Variants in ARID1B observed in about 807,000 individuals in gnomAD.
ARID1B encodes AT-rich interactive domain-containing protein 1B.
ARID1B carries 30 observed loss-of-function variants against 212.3 expected under a neutral mutation model. The observed-to-expected ratio is 0.14, with a 90% CI of 0.11 to 0.19. ARID1B has a LOEUF of 0.19. ARID1B is among the 10% of genes least tolerant of loss of function. ARID1B has a pLI of 1.00. For synonymous variants in ARID1B, 1,402 were observed against 1,301.7 expected (o/e 1.08, Z -1.66); for missense variants, 2,891 against 3,204.0 (o/e 0.90, Z 2.36).
chr6:157,118,333 T>G (rs1328325364), intron 6 of ARID1B, among the ~76,000 whole-genome samples: 1 of 152,248 alleles, frequency 6.6e-6, no homozygotes, highest in Non-Finnish European at 1.5e-5. Context: ...GATGCTGAGA[T>G]GTATCATAAG....
chr6:157,170,261 G>C (rs1791628170), intron 9 of ARID1B: 1 of 152,092 alleles, frequency 6.6e-6, no homozygotes, highest in Admixed American at 6.5e-5. Flanking sequence ...CTGTTTACCA[G>C]ATGATTTGCT....
At chr6:157,189,948 C>T in intron 14 of ARID1B, 90 bp from the exon 15 acceptor site, 1 of 1,579,440 alleles carries the variant, frequency 6.3e-7, no homozygotes, top group Non-Finnish European at 8.6e-7. Flanking sequence ...TTTGCATTTG[C>T]ACATTTCAAG....
chr6:157,135,138 AAG>A (rs1281852026), intron 7 of ARID1B, among the ~76,000 whole-genome samples: 1 of 151,792 alleles, frequency 6.6e-6, no homozygotes, highest in Non-Finnish European at 1.5e-5. Context: ...ATTGAATGTG[AAG>A]ACTCTTAATT....
chr6:156,776,895 C>A (rs1778653409), upstream of ARID1B: 2 of 152,114 alleles, frequency 1.3e-5, no homozygotes, highest in South Asian at 4.1e-4. Flanking sequence ...GCCGATGGCC[C>A]GAAATCAAGG....
intron 4 of ARID1B, chr6:156,939,571 G>C (rs560181707): frequency 3.3e-5 from 5 of 151,998 alleles, no homozygotes; most frequent in African/African-American, 1.2e-4. Context: ...CTCATTTTCA[G>C]AATTTTCTTT....
chr6:156,993,850 A>T (rs1023117014), intron 4 of ARID1B, among the ~76,000 whole-genome samples: 1 of 152,356 alleles, frequency 6.6e-6, no homozygotes, highest in Non-Finnish European at 1.5e-5. Flanking sequence ...ATTTATAAAA[A>T]TCAAATGGAA....
intron 2 of ARID1B, among the ~76,000 whole-genome samples, chr6:156,889,854 G>A (rs1372444642): frequency 2.0e-5 from 3 of 152,124 alleles, no homozygotes; most frequent in Admixed American, 1.3e-4. Context: ...ATTGACTTGC[G>A]TTGGTTGACT....
intron 7 of ARID1B, among the ~76,000 whole-genome samples, chr6:157,146,834 T>C (rs1789763191): frequency 6.6e-6 from 1 of 152,196 alleles, no homozygotes; most frequent in Non-Finnish European, 1.5e-5. Flanking sequence ...CTAATCCATA[T>C]TCCACACACA....
At chr6:157,123,245 C>CACA (rs1479644535) in intron 6 of ARID1B, among the ~76,000 whole-genome samples, 2 of 120,344 alleles carry the variant, frequency 1.7e-5, no homozygotes, top group African/African-American at 6.4e-5. Flanking sequence ...CCCGCCCCCC[C>CACA]CCCACACACA....
chr6:156,966,381 CTTTTCTTTTT>C (rs1235740370), intron 4 of ARID1B, among the ~76,000 whole-genome samples: 2 of 89,440 alleles, frequency 2.2e-5, no homozygotes, highest in African/African-American at 7.6e-5. Context: ...CTTTTCTTTT[CTTTTCTTTTT>C]TTTTTTTTTT....
chr6:157,040,455 G>A (rs1781813098), intron 4 of ARID1B, among the ~76,000 whole-genome samples: 1 of 152,146 alleles, frequency 6.6e-6, no homozygotes, highest in African/African-American at 2.4e-5. Context: ...TTTTAGTGAT[G>A]ATCTTTAATG....
chr6:156,860,003 T>G (rs991853946), intron 2 of ARID1B, among the ~76,000 whole-genome samples: 1 of 152,216 alleles, frequency 6.6e-6, no homozygotes, highest in African/African-American at 2.4e-5. Context: ...TGAGGCAGAT[T>G]TGAGAATCTG....
In ARID1B at chr6:156,878,269, G is replaced by A. The variant is rs192863425; in HGVS notation, c.1987-23107G>A. The stretch of plus-strand genomic sequence containing the variant: ...TTCTTAGGTGTAAGCGATGAAGACC[G>A]AGTCTAGCCAATTCAAGCAGAAAAG... On this transcript the variant is annotated intron_variant, in intron 2 of 19. Transcript: ENST00000636930. Among the ~76,000 whole-genome samples, 11 of 152,134 alleles carry A rather than the reference G, an allele frequency of 7.2e-5. No individual in the cohort carries two copies. In the East Asian group the frequency reaches 1.9e-3, roughly 27 times the overall value.
chr6:156,850,497 G>C (rs944825525), intron 2 of ARID1B, among the ~76,000 whole-genome samples: 2 of 152,172 alleles, frequency 1.3e-5, no homozygotes, highest in African/African-American at 4.8e-5. Flanking sequence ...AGGATGAAAA[G>C]TAATAGAAAG....
chr6:156,837,034 T>C (rs2128071400), intron 2 of ARID1B, among the ~76,000 whole-genome samples: 1 of 152,366 alleles, frequency 6.6e-6, no homozygotes, highest in South Asian at 2.1e-4. Flanking sequence ...CTTGACAAAT[T>C]GTATTAAGAT....
intron 1 of ARID1B, among the ~76,000 whole-genome samples, chr6:156,805,550 T>C (rs1462216880): frequency 6.6e-6 from 1 of 152,106 alleles, no homozygotes; most frequent in Non-Finnish European, 1.5e-5. Flanking sequence ...CCTATAGGAG[T>C]ATGCTCTCTC....
chr6:157,030,065 G>T (rs1287485012), intron 4 of ARID1B, among the ~76,000 whole-genome samples: 1 of 152,162 alleles, frequency 6.6e-6, no homozygotes, highest in Non-Finnish European at 1.5e-5. Flanking sequence ...CATTTATGTA[G>T]CTCATGATTC....
intron 1 of ARID1B, among the ~76,000 whole-genome samples, chr6:156,813,405 G>T (rs1401360450): frequency 6.6e-6 from 1 of 151,724 alleles, no homozygotes; most frequent in East Asian, 1.9e-4. Flanking sequence ...GAGCCATTGC[G>T]CTCAGGCTAT....
intron 4 of ARID1B, 39 bp from the exon 5 acceptor site, chr6:157,084,623 A>G: frequency 1.9e-6 from 3 of 1,598,102 alleles, no homozygotes; most frequent in Non-Finnish European, 2.6e-6. Flanking sequence ...ATATTCATCC[A>G]AACGTGTCAC....
Sources: allele counts gnomAD v4.1 joint callset (sites outside exome capture counted in the v4.1 genomes callset), GRCh38; gene constraint gnomAD v4.1.1; transcripts MANE v1.5; gene names NCBI Gene and HGNC (gene_info 2026-07-23, HGNC 2026-07-21).